Variants in ASAP1 observed in about 807,000 individuals in gnomAD.
The protein encoded by ASAP1 is arf-GAP with SH3 domain, ANK repeat and PH domain-containing protein 1.
In ASAP1, 43 loss-of-function variants were observed where a neutral mutation model predicts 145.2. That is an observed-to-expected ratio of 0.30 (90% CI 0.23 to 0.38). ASAP1 has a LOEUF of 0.38. Ranked by LOEUF, ASAP1 falls within the 10% of genes least tolerant of loss-of-function variation. ASAP1 has a pLI of 1.00. For synonymous variants in ASAP1, 546 were observed against 515.5 expected (o/e 1.06, Z -0.80); for missense variants, 1,018 against 1,355.3 (o/e 0.75, Z 3.91).
intron 13 of ASAP1, among the ~76,000 whole-genome samples, chr8:130,145,031 C>T (rs1438932474): frequency 1.3e-5 from 2 of 152,156 alleles, no homozygotes; most frequent in African/African-American, 4.8e-5. Flanking sequence ...AAAGAGCTTA[C>T]TGGGGCTCCT....
intron 11 of ASAP1, among the ~76,000 whole-genome samples, chr8:130,165,043 A>G (rs1437680894): frequency 6.6e-6 from 1 of 152,236 alleles, no homozygotes; most frequent in Admixed American, 6.5e-5. Context: ...AGATCAATGT[A>G]TTACTTGTAA....
chr8:130,126,785 T>C (rs561577667), intron 16 of ASAP1, among the ~76,000 whole-genome samples: 2 of 152,348 alleles, frequency 1.3e-5, no homozygotes, highest in South Asian at 2.1e-4. Flanking sequence ...CTGAGACTTC[T>C]CTCTGAGGTG....
intron 11 of ASAP1, among the ~76,000 whole-genome samples, chr8:130,167,177 G>C (rs1333579514): frequency 1.3e-5 from 2 of 152,064 alleles, no homozygotes; most frequent in African/African-American, 4.8e-5. Context: ...GGTGGCATGT[G>C]CCTGTAGTCC....
intron 3 of ASAP1, among the ~76,000 whole-genome samples, chr8:130,304,438 T>C (rs1822869115): frequency 6.6e-6 from 1 of 152,096 alleles, no homozygotes; most frequent in South Asian, 2.1e-4. Context: ...TACTAATATA[T>C]TGAAAGAATA....
In ASAP1 at chr8:130,156,698, T is replaced by C. The variant is rs138626196; in HGVS notation, c.1010+3166A>G. 5.7e-3 allele frequency among the ~76,000 whole-genome samples: 868 copies of C among 152,228 alleles called. 6 individuals are homozygous for C. The highest frequency in any genetic ancestry group is 0.01 in the Non-Finnish European group (708 of 68,002). On this transcript the variant is annotated intron_variant, in intron 12 of 29. Coordinates refer to ENST00000518721, the MANE Select transcript of ASAP1 (RefSeq NM_018482.4). ...TAAGTCAGAAGACCCAGGTTCAAATTTGAGTGTTCATACTTACTGTCCGTA... is the reference window on the plus strand; with the variant it reads ...TAAGTCAGAAGACCCAGGTTCAAATCTGAGTGTTCATACTTACTGTCCGTA...
intron 27 of ASAP1, among the ~76,000 whole-genome samples, chr8:130,063,291 T>C (rs1027215235): frequency 2.0e-5 from 3 of 152,130 alleles, no homozygotes; most frequent in African/African-American, 7.2e-5. Flanking sequence ...GATCTTCCTG[T>C]CTCAGCCTCC....
At chr8:130,426,013 G>T (rs561978598) in intron 1 of ASAP1, among the ~76,000 whole-genome samples, 172 of 152,276 alleles carry the variant, frequency 1.1e-3, no homozygotes, top group African/African-American at 3.9e-3. Context: ...TGCTTGATAT[G>T]GTTTGGATCT....
chr8:130,127,998 A>C lies in ASAP1; in HGVS notation c.1310T>G (p.Leu437Arg). The change falls in exon 16 of 30, where the codon CTG becomes CGG. Residue 437 changes from leucine (L) to arginine (R), a missense_variant. Around this residue, in one of 9 missense-constraint regions of ASAP1, gnomAD observed 153 missense variants for 221.6 expected, o/e 0.69. Coordinates refer to ENST00000518721, the MANE Select transcript of ASAP1 (RefSeq NM_018482.4). ...QSAGENSLED[L>R]TKAIIEDVQR... ...GACATCCTCAATAATGGCTTTTGTC[A>C]GGTCTTCCAGGCTGTTCTCTCCCGC... 1 of 1,614,106 alleles carries C rather than the reference A, an allele frequency of 6.2e-7. No homozygotes were observed. Among genetic ancestry groups the C allele is most frequent in the Non-Finnish European group, 8.5e-7 (1 of 1,180,016 alleles).
intron 3 of ASAP1, among the ~76,000 whole-genome samples, chr8:130,300,113 TACACACACACACACACACACACAC>T (rs373589102): frequency 1.4e-5 from 1 of 72,896 alleles, no homozygotes; most frequent in Non-Finnish European, 2.4e-5. Flanking sequence ...AAAAGAAAAA[TACACACACACACACACACACACAC>T]ACACACACAC....
At chr8:130,394,666 C>T (rs1406826290) in intron 2 of ASAP1, among the ~76,000 whole-genome samples, 1 of 152,150 alleles carries the variant, frequency 6.6e-6, no homozygotes, top group East Asian at 1.9e-4. Context: ...TGTGGGGCAT[C>T]ACGGAACCTA....
chr8:130,168,155 T>C (rs748769468), intron 10 of ASAP1, among the ~76,000 whole-genome samples: 1 of 152,188 alleles, frequency 6.6e-6, no homozygotes, highest in Non-Finnish European at 1.5e-5. Context: ...TTTAAAGTTA[T>C]ATAAAAGGCA....
At chr8:130,145,713 T>C (rs567931822) in intron 13 of ASAP1, among the ~76,000 whole-genome samples, 1 of 152,262 alleles carries the variant, frequency 6.6e-6, no homozygotes, top group Admixed American at 6.5e-5. Context: ...TTAATTCTGA[T>C]AACCACCCTA....
intron 12 of ASAP1, among the ~76,000 whole-genome samples, chr8:130,155,088 A>G (rs1459890947): frequency 1.3e-5 from 2 of 152,178 alleles, no homozygotes. Context: ...TCAATCCACC[A>G]ATCAAACTAT....
chr8:130,214,439 T>C, intron 5 of ASAP1, 117 bp downstream of exon 5: 3 of 1,074,506 alleles, frequency 2.8e-6, no homozygotes, highest in Non-Finnish European at 3.7e-6. Context: ...TTTTTGTTTT[T>C]TCTTTCTCAC....
chr8:130,119,721 G>T (rs2097562508), intron 18 of ASAP1, among the ~76,000 whole-genome samples: 1 of 151,908 alleles, frequency 6.6e-6, no homozygotes, highest in South Asian at 2.1e-4. Context: ...GACAGTAAAT[G>T]AACTTTGGAT....
At chr8:130,431,228 T>C (rs1457390794) in intron 1 of ASAP1, among the ~76,000 whole-genome samples, 1 of 152,106 alleles carries the variant, frequency 6.6e-6, no homozygotes, top group Non-Finnish European at 1.5e-5. Context: ...CCTTCCTGCT[T>C]CCAGACCCTG....
intron 1 of ASAP1, among the ~76,000 whole-genome samples, chr8:130,417,176 A>G (rs1384457317): frequency 1.1e-5 from 1 of 87,258 alleles, no homozygotes; most frequent in Non-Finnish European, 3.0e-5. Flanking sequence ...ACACACAGAA[A>G]ACAACCCACG....
chr8:130,071,857 T>C (rs954679336), intron 27 of ASAP1, among the ~76,000 whole-genome samples: 1 of 152,206 alleles, frequency 6.6e-6, no homozygotes, highest in Non-Finnish European at 1.5e-5. Flanking sequence ...TGTTTTTTGA[T>C]ATAAAGGATC....
intron 3 of ASAP1, among the ~76,000 whole-genome samples, chr8:130,272,893 A>C (rs1820669935): frequency 6.6e-6 from 1 of 152,228 alleles, no homozygotes; most frequent in African/African-American, 2.4e-5. Flanking sequence ...AACGAGTACA[A>C]ACATACAATT....
Sources: allele counts gnomAD v4.1 joint callset (sites outside exome capture counted in the v4.1 genomes callset), GRCh38; gene constraint gnomAD v4.1.1; regional missense constraint gnomAD v4.1.1; transcripts MANE v1.5; gene names NCBI Gene and HGNC (gene_info 2026-07-23, HGNC 2026-07-21).